Variants in EHBP1 observed in about 807,000 individuals in gnomAD.
EHBP1 encodes EH domain-binding protein 1.
EHBP1 carries 55 observed loss-of-function variants against 144.0 expected under a neutral mutation model. The observed-to-expected ratio is 0.38, with a 90% CI of 0.31 to 0.48. The LOEUF is 0.48. Among genes scored for constraint, EHBP1 ranks in the 20% least tolerant of loss-of-function variants. EHBP1 has a pLI of 0.98. For synonymous variants in EHBP1, 469 were observed against 472.7 expected, an observed-to-expected ratio of 0.99 and a Z score of 0.10; for missense variants, 1,200 against 1,364.2, an observed-to-expected ratio of 0.88 and a Z score of 1.90.
chr2:62,747,823 G>A (rs2039303412), intron 3 of EHBP1, among the ~76,000 whole-genome samples: 1 of 151,812 alleles, frequency 6.6e-6, no homozygotes, highest in Admixed American at 6.6e-5. Flanking sequence ...AAGTGATTAG[G>A]GTAAGGACTT....
At chr2:62,770,912 C>A (rs1313676723) in intron 4 of EHBP1, among the ~76,000 whole-genome samples, 1 of 152,102 alleles carries the variant, frequency 6.6e-6, no homozygotes, top group Non-Finnish European at 1.5e-5. Context: ...GACAGGAAAT[C>A]AAATACTGCA....
intron 13 of EHBP1, among the ~76,000 whole-genome samples, 181 bp downstream of exon 13, chr2:62,949,343 A>G (rs1307379653): frequency 6.6e-6 from 1 of 152,182 alleles, no homozygotes; most frequent in Non-Finnish European, 1.5e-5. Flanking sequence ...CTGAGGAAAG[A>G]GGATTGCTTT....
intron 10 of EHBP1, among the ~76,000 whole-genome samples, chr2:62,907,372 T>TATGTA (rs1558893272): frequency 6.6e-6 from 1 of 152,034 alleles, no homozygotes; most frequent in African/African-American, 2.4e-5. Flanking sequence ...TTTAGTATGT[T>TATGTA]TTTCCCTAAA....
intron 19 of EHBP1, among the ~76,000 whole-genome samples, chr2:63,013,706 A>G (rs926831767): frequency 2.0e-5 from 3 of 152,206 alleles, no homozygotes; most frequent in Non-Finnish European, 4.4e-5. Context: ...TAGCAAAATA[A>G]AGACAACTAA....
At chr2:62,692,988 A>T (rs2033959092) in intron 1 of EHBP1, among the ~76,000 whole-genome samples, 1 of 152,036 alleles carries the variant, frequency 6.6e-6, no homozygotes, top group African/African-American at 2.4e-5. Flanking sequence ...ATACCCATTA[A>T]TTATCCTCAT....
At chr2:62,911,351 A>G (rs1057139308) in intron 10 of EHBP1, among the ~76,000 whole-genome samples, 2 of 152,262 alleles carry the variant, frequency 1.3e-5, no homozygotes, top group East Asian at 1.9e-4. Context: ...TGCTATTATT[A>G]TTGTTGTTCT....
At chr2:62,779,721 C>T (rs2152407722) in intron 5 of EHBP1, among the ~76,000 whole-genome samples, 1 of 152,252 alleles carries the variant, frequency 6.6e-6, no homozygotes, top group Middle Eastern at 3.4e-3. Flanking sequence ...GTATAGAGGA[C>T]CCCTGCTCAT....
chr2:62,717,579 A>G (rs2035804906), intron 2 of EHBP1, among the ~76,000 whole-genome samples: 1 of 152,198 alleles, frequency 6.6e-6, no homozygotes, highest in East Asian at 1.9e-4. Flanking sequence ...TATCACTGTT[A>G]TAGTGATATT....
chr2:62,854,738 A>G (rs977980202), intron 7 of EHBP1, among the ~76,000 whole-genome samples: 3 of 152,246 alleles, frequency 2.0e-5, no homozygotes, highest in Admixed American at 6.5e-5. Flanking sequence ...GAAAAGGTTT[A>G]GAATATGGTG....
At chr2:62,960,253 C>T (rs902801722) in intron 14 of EHBP1, among the ~76,000 whole-genome samples, 9 of 152,112 alleles carry the variant, frequency 5.9e-5, no homozygotes, top group Admixed American at 3.9e-4. Context: ...CCTCCCTTTA[C>T]AGCCTCATTT....
At chr2:62,984,034 CAT>C (rs535597622) in intron 15 of EHBP1, among the ~76,000 whole-genome samples, 1 of 152,028 alleles carries the variant, frequency 6.6e-6, no homozygotes. Flanking sequence ...CTATTAATAA[CAT>C]AATATCTGTA....
At chr2:62,844,200 A>T (rs191017124) in intron 7 of EHBP1, among the ~76,000 whole-genome samples, 1 of 152,300 alleles carries the variant, frequency 6.6e-6, no homozygotes, top group East Asian at 1.9e-4. Context: ...TTGACAAAAC[A>T]TATCCTCCAA....
rs551828216 is a variant in EHBP1, at chr2:62,745,383, T to C, written c.105-2012T>C. On this transcript the variant is annotated intron_variant, in intron 2 of 22. Coordinates refer to ENST00000431489, the MANE Select transcript of EHBP1 (RefSeq NM_001142616.3). The stretch of plus-strand genomic sequence containing the variant: ...GTAATTAACTCTGAGGCTTAGAATA[T>C]GGAATGGGTGGGAGGGGATGGGGCA... 5.2e-4 allele frequency among the ~76,000 whole-genome samples: 77 copies of C among 147,464 alleles called. 1 individual carries two copies. In the South Asian group the frequency reaches 0.011, roughly 20 times the overall value.
intron 15 of EHBP1, among the ~76,000 whole-genome samples, chr2:62,981,957 C>T (rs2058992234): frequency 6.6e-6 from 1 of 152,064 alleles, no homozygotes; most frequent in Non-Finnish European, 1.5e-5. Context: ...CAGCTACATA[C>T]CAAATGGTAG....
chr2:62,778,995 C>A (rs1251971954), intron 5 of EHBP1, among the ~76,000 whole-genome samples: 1 of 152,080 alleles, frequency 6.6e-6, no homozygotes, highest in East Asian at 1.9e-4. Flanking sequence ...ATCTTTTCAG[C>A]CCCAAGCATT....
chr2:62,749,138 C>T (rs1316041892), intron 3 of EHBP1, among the ~76,000 whole-genome samples: 2 of 152,094 alleles, frequency 1.3e-5, no homozygotes, highest in Non-Finnish European at 2.9e-5. Flanking sequence ...TTCCCCATCC[C>T]CCCACCCCAC....
intron 5 of EHBP1, among the ~76,000 whole-genome samples, chr2:62,803,724 C>A (rs369890917): frequency 6.6e-6 from 1 of 152,042 alleles, no homozygotes; most frequent in African/African-American, 2.4e-5. Flanking sequence ...ATATTTTCAC[C>A]CTGTCATTTT....
intron 10 of EHBP1, among the ~76,000 whole-genome samples, chr2:62,910,984 A>T (rs949456009): frequency 6.6e-6 from 1 of 152,082 alleles, no homozygotes; most frequent in Non-Finnish European, 1.5e-5. Context: ...GATCTGTAGG[A>T]CCTCCTGTAC....
At chr2:62,700,131 T>C (rs903154465) in intron 1 of EHBP1, among the ~76,000 whole-genome samples, 1 of 152,186 alleles carries the variant, frequency 6.6e-6, no homozygotes, top group African/African-American at 2.4e-5. Flanking sequence ...TCTAAGCTTT[T>C]ATGTCAACCA....
Sources: gnomAD v4.1 joint callset for allele counts (sites outside exome capture counted in the v4.1 genomes callset) on GRCh38, gnomAD v4.1.1 for gene constraint, MANE v1.5 for transcripts, NCBI Gene and HGNC (gene_info 2026-07-23, HGNC 2026-07-21) for gene names.